BPI: variants seen among roughly 807,000 people sequenced by gnomAD.
The protein encoded by BPI is bactericidal permeability increasing protein.
In BPI, 48 loss-of-function variants were observed where a neutral mutation model predicts 57.6. The ratio of observed to expected loss-of-function variants is 0.83; its 90% CI spans 0.66 to 1.06. The LOEUF (loss-of-function observed/expected upper bound fraction) is 1.06, where lower values mean the gene tolerates loss of function less well. BPI is among the 50% of genes least tolerant of loss of function. BPI has a pLI of 0.00. For missense variants in BPI, 651 were observed against 609.7 expected (o/e 1.07, Z -0.71); for synonymous variants, 237 against 238.2 (o/e 0.99, Z 0.05).
At chr20:38,315,058 T>A (rs2076645774) in intron 5 of BPI, among the ~76,000 whole-genome samples, 1 of 152,058 alleles carries the variant, frequency 6.6e-6, no homozygotes, top group South Asian at 2.1e-4. Context: ...ATATACTGAG[T>A]GTTTACAGTG....
chr20:38,305,810 T>C lies in BPI; in HGVS notation c.130+1457T>C, dbSNP rs149016573. Among the ~76,000 whole-genome samples the C allele has an allele frequency of 6.9e-4, 105 of 152,294 alleles. 1 individual carries two copies. In the East Asian group the frequency reaches 0.019, roughly 27 times the overall value. ...TACAAATTCATACATATACGGAGCC[T>C]AGAACAGTGCTTGGCACAGAGTAAA... On this transcript the variant is annotated intron_variant, in intron 1 of 14. Transcript: ENST00000642449.
At chr20:38,320,419 T>A in intron 7 of BPI, 145 bp downstream of exon 7, 1 of 736,256 alleles carries the variant, frequency 1.4e-6, no homozygotes. Flanking sequence ...CGCCTCTCCC[T>A]GCTCCAGTCA....
intron 7 of BPI, among the ~76,000 whole-genome samples, chr20:38,323,441 T>C (rs2076696596): frequency 6.6e-6 from 1 of 152,230 alleles, no homozygotes; most frequent in Admixed American, 6.5e-5. Context: ...CCCATTTTGC[T>C]AAGTTTACCG....
chr20:38,334,333 G>C (rs1369189587), intron 12 of BPI, 97 bp from the exon 13 acceptor site: 8 of 1,217,782 alleles, frequency 6.6e-6, no homozygotes, highest in Non-Finnish European at 9.7e-6. Context: ...CAGCGCTAGG[G>C]GAAAGGAGGG....
In BPI at chr20:38,323,949, G is replaced by A. The variant is rs183269384; in HGVS notation, c.836G>A (p.Arg279His). 4.0e-5 allele frequency: 65 copies of A among 1,614,104 alleles called. No individual in the cohort carries two copies. The African/African-American group carries it at 4.7e-4, about 12-fold the overall frequency. ...ATGGAGTTTCCCGCTGCCCATGACC[G>A]CATGGTATACCTGGGCCTCTCAGAC... is the stretch of plus-strand genomic sequence containing the variant. ...PVMEFPAAHD[R>H]MVYLGLSDYF... The change falls in exon 8 of 15, where the codon CGC (arginine) becomes CAC (histidine). Residue 279 changes from arginine (R) to histidine (H), a missense_variant. Arg to His is a conservative substitution (Grantham distance 29). Coordinates refer to ENST00000642449, the MANE Select transcript of BPI (RefSeq NM_001725.3).
At chr20:38,332,796 C>T (rs2076748766) in intron 12 of BPI, among the ~76,000 whole-genome samples, 1 of 152,144 alleles carries the variant, frequency 6.6e-6, no homozygotes, top group African/African-American at 2.4e-5. Context: ...CTACTGCCCT[C>T]ACGAGGGGCA....
At chr20:38,327,787 A>G in intron 11 of BPI, 132 bp downstream of exon 11, 1 of 1,055,884 alleles carries the variant, frequency 9.5e-7, no homozygotes. Flanking sequence ...AAAACCTCAA[A>G]GAGTGTGCGA....
intron 5 of BPI, among the ~76,000 whole-genome samples, chr20:38,312,816 T>C (rs892309083): frequency 2.6e-5 from 4 of 152,202 alleles, no homozygotes; most frequent in Non-Finnish European, 5.9e-5. Flanking sequence ...GAAGATACTG[T>C]GTCAAAAGCT....
chr20:38,317,489 T>C (rs1490334666), intron 5 of BPI, among the ~76,000 whole-genome samples: 1 of 152,208 alleles, frequency 6.6e-6, no homozygotes, highest in Non-Finnish European at 1.5e-5. Context: ...TCAGCTCTGC[T>C]GGGACTATTG....
intron 2 of BPI, among the ~76,000 whole-genome samples, chr20:38,308,609 C>T (rs1437212453): frequency 5.9e-5 from 9 of 152,186 alleles, no homozygotes; most frequent in Non-Finnish European, 1.5e-5. Context: ...CATTGATTGC[C>T]ACACACCCTG....
At chr20:38,304,420 C>A in intron 1 of BPI, 67 bp downstream of exon 1, 1 of 1,578,894 alleles carries the variant, frequency 6.3e-7, no homozygotes, top group African/African-American at 1.3e-5. Flanking sequence ...CTACTGTGTG[C>A]ACCCCTTTAG....
At chr20:38,320,918 G>T (rs1193182001) in intron 7 of BPI, among the ~76,000 whole-genome samples, 1 of 142,804 alleles carries the variant, frequency 7.0e-6, no homozygotes, top group Non-Finnish European at 1.5e-5. Context: ...TGGGTAGGTG[G>T]GTAGACAGGT....
rs548198271 is a variant in BPI at position 38,331,160 on chromosome 20, G to A, written c.1272+70G>A. ...CGGCGGGGAGGGGGACATGTCATAG[G>A]CTCAAGGCATTATTTAAGAGGCTAC... On this transcript the variant is annotated intron_variant, in intron 12 of 14. Transcript: ENST00000642449. 260 of 1,530,646 alleles carry A rather than the reference G, an allele frequency of 1.7e-4. 3 individuals carry two copies. In the South Asian group the frequency reaches 2.7e-3, roughly 16 times the overall value. 94.8% of individuals were successfully genotyped at this position (1,530,646 alleles called of 1,614,324 possible).
intron 10 of BPI, 63 bp from the exon 11 acceptor site, chr20:38,327,525 T>C (rs1383114228): frequency 1.3e-6 from 2 of 1,582,800 alleles, no homozygotes; most frequent in East Asian, 4.5e-5. Flanking sequence ...CCTTCTTGGT[T>C]TGGAGGCCTT....
chr20:38,316,590 G>A (rs973248776), intron 5 of BPI, among the ~76,000 whole-genome samples: 9 of 152,220 alleles, frequency 5.9e-5, no homozygotes, highest in Admixed American at 3.3e-4. Context: ...CCCAGGCAGC[G>A]CAGTGAGGAG....
At chr20:38,320,587 C>A (rs554005986) in intron 7 of BPI, among the ~76,000 whole-genome samples, 9 of 151,472 alleles carry the variant, frequency 5.9e-5, no homozygotes, top group African/African-American at 2.2e-4. Context: ...TATTCCCTCC[C>A]TAGAGAGACC....
chr20:38,314,199 ATGGTGGG>A (rs2076637816), intron 5 of BPI, among the ~76,000 whole-genome samples: 1 of 115,312 alleles, frequency 8.7e-6, no homozygotes. Context: ...GGTGATGGTG[ATGGTGGG>A]GATGATGATG....
intron 1 of BPI, among the ~76,000 whole-genome samples, chr20:38,305,354 C>T (rs548441777): frequency 3.1e-4 from 47 of 152,266 alleles, no homozygotes; most frequent in Middle Eastern, 3.4e-3. Context: ...CTTCATGCTC[C>T]GTCATAGCAG....
chr20:38,316,867 A>G (rs568496213), intron 5 of BPI, among the ~76,000 whole-genome samples: 2 of 152,300 alleles, frequency 1.3e-5, no homozygotes, highest in East Asian at 3.9e-4. Flanking sequence ...GGCCATGGGG[A>G]TGCCTGAAAT....
Sources: allele counts gnomAD v4.1 joint callset (sites outside exome capture counted in the v4.1 genomes callset), GRCh38; gene constraint gnomAD v4.1.1; transcripts MANE v1.5; gene names NCBI Gene and HGNC (gene_info 2026-07-23, HGNC 2026-07-21).